Variants in GNPDA2 observed in about 807,000 individuals in gnomAD.
The protein encoded by GNPDA2 is glcN6P deaminase 2.
In GNPDA2, 24 loss-of-function variants were observed where a neutral mutation model predicts 27.0. The observed-to-expected ratio is 0.89, with a 90% CI of 0.64 to 1.25. The LOEUF (loss-of-function observed/expected upper bound fraction) is 1.25, where lower values mean the gene tolerates loss of function less well. Ranked by LOEUF, GNPDA2 falls within the 50% of genes most tolerant of loss-of-function variation. The pLI is 0.00. For synonymous variants in GNPDA2, 94 were observed against 108.4 expected, an observed-to-expected ratio of 0.87 and a Z score of 0.83; for missense variants, 286 against 335.1, an observed-to-expected ratio of 0.85 and a Z score of 1.14.
intron 2 of GNPDA2, among the ~76,000 whole-genome samples, chr4:44,719,059 A>G (rs939015902): frequency 2.0e-5 from 3 of 152,044 alleles, no homozygotes; most frequent in Admixed American, 2.0e-4. Flanking sequence ...GTTTTATAAA[A>G]TCATAGTTTG....
chr4:44,726,226 A>G (rs1318340881), intron 1 of GNPDA2, among the ~76,000 whole-genome samples: 1 of 145,520 alleles, frequency 6.9e-6, no homozygotes, highest in Non-Finnish European at 1.5e-5. Context: ...GTCAAGAAGA[A>G]GCCGCGAGAG....
chr4:44,702,039 ACT>A lies in GNPDA2; in HGVS notation c.*1040_*1041del. The A allele has an allele frequency of 1.0e-6, 1 of 985,626 alleles. No individual in the cohort carries two copies. Among genetic ancestry groups the A allele is most frequent in the Non-Finnish European group, 1.2e-6 (1 of 829,868 alleles). The allele number at this position is 985,626 out of a possible 1,614,324, so 61.1% of individuals were successfully genotyped here. ...AGAGGCAAAGACATCTTTTAACCTA[ACT>A]CTCCTAATGCATGATGGTAACAAAC... On this transcript the variant is annotated 3_prime_UTR_variant, in exon 7 of 7. Transcript: ENST00000295448.
intron 5 of GNPDA2, among the ~76,000 whole-genome samples, chr4:44,709,446 T>A (rs1452199940): frequency 3.3e-5 from 5 of 152,128 alleles, no homozygotes; most frequent in African/African-American, 7.2e-5. Flanking sequence ...ATTTGTTATG[T>A]TTGTTCAAAC....
At position 44,707,949 on chromosome 4, in the gene GNPDA2, T is replaced by C. The variant is rs369306484; in HGVS notation, c.595-23A>G. On this transcript the variant is annotated intron_variant, in intron 5 of 6. Transcript: ENST00000295448. ...TACCTGAAAAATTATGAACATCAAT[T>C]GTTAAAACTTGTTCCAAATGAGTAA... 15 of 1,504,512 alleles carry C rather than the reference T, an allele frequency of 1.0e-5. No homozygotes were observed. The African/African-American group carries it at 1.8e-4, about 18-fold the overall frequency. 93.2% of individuals were successfully genotyped at this position (1,504,512 alleles called of 1,614,324 possible). A position where few individuals can be genotyped will look rare whatever the true frequency, so the allele number is the denominator to read the frequency against.
intron 4 of GNPDA2, chr4:44,714,595 C>A (rs1717167102): frequency 1.0e-6 from 1 of 981,278 alleles, no homozygotes; most frequent in Non-Finnish European, 1.2e-6. Flanking sequence ...TTCAACTTTA[C>A]CTTTAATAAA....
intron 4 of GNPDA2, among the ~76,000 whole-genome samples, chr4:44,716,212 C>G (rs1717272220): frequency 6.6e-6 from 1 of 151,948 alleles, no homozygotes. Context: ...TGATAATCAA[C>G]TATCTCAACC....
chr4:44,714,209 A>G (rs192201297), intron 4 of GNPDA2: 73 of 625,394 alleles, frequency 1.2e-4, no homozygotes, highest in South Asian at 1.1e-3. Flanking sequence ...TCCCAACCTC[A>G]GGTGATCTGC....
chr4:44,702,110 C>T lies in GNPDA2; in HGVS notation c.*971G>A, dbSNP rs906045156. 2.6e-5 allele frequency: 25 copies of T among 972,934 alleles called. No homozygotes were observed. The highest frequency in any genetic ancestry group is 1.1e-4 in the East Asian group (1 of 8,734). The allele number at this position is 972,934 out of a possible 1,614,324, so 60.3% of individuals were successfully genotyped here. ...CACATGTACTATAATTGTTGGGAGT[C>T]GAATGCATGTATTCTTCAGGTTCAC... On this transcript the variant is annotated 3_prime_UTR_variant, in exon 7 of 7. Transcript: ENST00000295448.
chr4:44,704,535 G>T, intron 6 of GNPDA2: 1 of 705,002 alleles, frequency 1.4e-6, no homozygotes, highest in Non-Finnish European at 1.7e-6. Flanking sequence ...AAATAGGACT[G>T]CTTCCAAACT....
chr4:44,724,270 C>T (rs1167460673), intron 1 of GNPDA2, among the ~76,000 whole-genome samples: 3 of 152,138 alleles, frequency 2.0e-5, no homozygotes, highest in African/African-American at 7.2e-5. Flanking sequence ...GAAGTCAGCA[C>T]GAATTGGCCT....
chr4:44,716,619 G>C (rs140832856), intron 4 of GNPDA2, among the ~76,000 whole-genome samples: 1 of 151,884 alleles, frequency 6.6e-6, no homozygotes, highest in East Asian at 1.9e-4. Flanking sequence ...TTAACTTAAG[G>C]CTGGTAAGTA....
chr4:44,722,754 G>T (rs1717759372), intron 1 of GNPDA2, among the ~76,000 whole-genome samples: 3 of 152,174 alleles, frequency 2.0e-5, no homozygotes, highest in Middle Eastern at 3.4e-3. Context: ...TGTGGATTTT[G>T]GTATCTGAAG....
At chr4:44,711,270 T>C (rs1220790110) in intron 4 of GNPDA2, 133 bp from the exon 5 acceptor site, 6 of 511,014 alleles carry the variant, frequency 1.2e-5, no homozygotes, top group Non-Finnish European at 6.4e-6. Flanking sequence ...CATTAAAATA[T>C]TTGTTTCTGT....
intron 4 of GNPDA2, among the ~76,000 whole-genome samples, chr4:44,715,146 G>A (rs796356869): frequency 2.0e-5 from 3 of 152,104 alleles, no homozygotes; most frequent in East Asian, 1.9e-4. Context: ...AAAGAAGTAC[G>A]AAATGATTTA....
In GNPDA2 at chr4:44,702,657, T is replaced by C. The variant is rs1347583349; in HGVS notation, c.*424A>G. On this transcript the variant is annotated 3_prime_UTR_variant, in exon 7 of 7. Coordinates refer to ENST00000295448, the MANE Select transcript of GNPDA2 (RefSeq NM_138335.3). The stretch of plus-strand genomic sequence containing the variant: ...GTGTGATGCACAGAAAATATAAAGA[T>C]TGCATTCCAAAAGTGAAGGTCTGCA... 8.9e-6 allele frequency: 9 copies of C among 1,014,120 alleles called. No individual in the cohort carries two copies. The highest frequency in any genetic ancestry group is 1.1e-5 in the Non-Finnish European group (9 of 849,772). The allele number at this position is 1,014,120 out of a possible 1,614,324, so 62.8% of individuals were successfully genotyped here. A position where few individuals can be genotyped will look rare whatever the true frequency, so the allele number is the denominator to read the frequency against.
chr4:44,703,642 T>C (rs892380088), intron 6 of GNPDA2: 4 of 984,152 alleles, frequency 4.1e-6, no homozygotes, highest in South Asian at 4.7e-5. Flanking sequence ...TTACAAATTC[T>C]ACACTGAGGG....
intron 2 of GNPDA2, 32 bp from the exon 3 acceptor site, chr4:44,718,442 T>C (rs765911422): frequency 2.6e-6 from 2 of 754,754 alleles, no homozygotes; most frequent in East Asian, 3.0e-5. Flanking sequence ...TTTTCTAAAA[T>C]GACTTAATAA....
chr4:44,720,271 C>G (rs1482798099), intron 2 of GNPDA2, among the ~76,000 whole-genome samples: 1 of 152,094 alleles, frequency 6.6e-6, no homozygotes, highest in Non-Finnish European at 1.5e-5. Flanking sequence ...GACAAAATAA[C>G]TGGGTCAAAA....
chr4:44,714,034 C>T (rs777554224), intron 4 of GNPDA2, among the ~76,000 whole-genome samples: 50 of 152,178 alleles, frequency 3.3e-4, no homozygotes, highest in Non-Finnish European at 3.5e-4. Flanking sequence ...TGCAATGGCA[C>T]GATATCAGCT....
Sources: gnomAD v4.1 joint callset for allele counts (sites outside exome capture counted in the v4.1 genomes callset) on GRCh38, gnomAD v4.1.1 for gene constraint, MANE v1.5 for transcripts, NCBI Gene and HGNC (gene_info 2026-07-23, HGNC 2026-07-21) for gene names.